The following FSTL4 variants were observed in gnomAD, a reference collection of about 807,000 sequenced individuals.
The protein encoded by FSTL4 is follistatin like 4.
In FSTL4, 28 loss-of-function variants were observed where a neutral mutation model predicts 78.2. The observed-to-expected ratio is 0.36, with a 90% CI of 0.27 to 0.49. The LOEUF (loss-of-function observed/expected upper bound fraction) is 0.49. Ranked by LOEUF, FSTL4 falls within the 20% of genes least tolerant of loss-of-function variation. The probability of loss-of-function intolerance (pLI) is 0.98; values close to 1 mark genes in which losing one functional copy is unlikely to be tolerated. For synonymous variants in FSTL4, 422 were observed against 440.5 expected, an observed-to-expected ratio of 0.96 and a Z score of 0.53; for missense variants, 922 against 1,084.9, an observed-to-expected ratio of 0.85 and a Z score of 2.11.
chr5:133,559,106 T>C (rs189568723), intron 3 of FSTL4, among the ~76,000 whole-genome samples: 1 of 152,204 alleles, frequency 6.6e-6, no homozygotes, highest in African/African-American at 2.4e-5. Context: ...AATTAGAACA[T>C]AATGGTCAGT....
intron 1 of FSTL4, among the ~76,000 whole-genome samples, chr5:133,605,673 C>T (rs1249425793): frequency 6.6e-6 from 1 of 152,176 alleles, no homozygotes; most frequent in Non-Finnish European, 1.5e-5. Flanking sequence ...GCCTATGGCA[C>T]TGGCCTATGA....
rs187234406 is a variant in FSTL4, at chr5:133,338,320, G to A, written c.410-21668C>T. ...GTGCACACTCTGGACTGGCTCCTGCGGGAGAACACAAGAGTGGCCATGGAA... is the reference window on the plus strand; with the variant it reads ...GTGCACACTCTGGACTGGCTCCTGCAGGAGAACACAAGAGTGGCCATGGAA... On this transcript the variant is annotated intron_variant, in intron 4 of 15. Coordinates refer to ENST00000265342, the MANE Select transcript of FSTL4 (RefSeq NM_015082.2). This position sits in a 1 kb window ranked among gnomAD's most constrained non-coding sequence, Gnocchi z 4.0. Among the ~76,000 whole-genome samples the A allele has an allele frequency of 2.8e-4, 42 of 152,170 alleles. No individual in the cohort carries two copies. Among genetic ancestry groups the A allele is most frequent in the Admixed American group, 2.3e-3 (35 of 15,302 alleles).
chr5:133,236,419 G>GA lies in FSTL4; in HGVS notation c.895-2883dup, dbSNP rs10707661. Among the ~76,000 whole-genome samples the GA allele has an allele frequency of 4.2e-4, 62 of 147,928 alleles. No individual in the cohort carries two copies. The East Asian group carries it at 4.6e-3, about 11-fold the overall frequency. ...CACCTTGTATGTATTTAATCCTCAG[G>GA]AAAAAAAAAACCCTGAAAACCCCAA... On this transcript the variant is annotated intron_variant, in intron 7 of 15. Transcript: ENST00000265342. This position sits in a 1 kb window ranked among gnomAD's most constrained non-coding sequence, Gnocchi z 5.0.
chr5:133,386,738 G>A (rs2126957279), intron 4 of FSTL4, among the ~76,000 whole-genome samples: 1 of 152,280 alleles, frequency 6.6e-6, no homozygotes, highest in East Asian at 1.9e-4. Flanking sequence ...GGCAGAAGTG[G>A]AGAGACAGAA....
At chr5:133,816,206 G>T in the FSTL4 span, among the ~76,000 whole-genome samples, 1 of 152,196 alleles carries the variant, frequency 6.6e-6, no homozygotes, top group African/African-American at 2.4e-5. Context: ...TGGGCTCCCT[G>T]CAGTGAGGGC....
At chr5:133,366,293 C>CA (rs2126938930) in intron 4 of FSTL4, among the ~76,000 whole-genome samples, 1 of 152,308 alleles carries the variant, frequency 6.6e-6, no homozygotes, top group Admixed American at 6.5e-5. Flanking sequence ...GAGGATACCC[C>CA]AGCCATTGAA....
At chr5:133,702,769 G>A in the FSTL4 span, among the ~76,000 whole-genome samples, 2 of 152,244 alleles carry the variant, frequency 1.3e-5, no homozygotes, top group Admixed American at 6.5e-5. Context: ...ATCTTGGAGA[G>A]CCTGGGAGCC....
intron 7 of FSTL4, among the ~76,000 whole-genome samples, chr5:133,234,910 A>T (rs940654879): frequency 3.9e-5 from 6 of 152,182 alleles, no homozygotes; most frequent in African/African-American, 1.4e-4. Context: ...TTTTCTTGTT[A>T]TTATTAGCAG....
chr5:133,633,914 T>C, the FSTL4 span, among the ~76,000 whole-genome samples: 3 of 152,056 alleles, frequency 2.0e-5, no homozygotes, highest in Non-Finnish European at 4.4e-5. Flanking sequence ...AATCTTCCTA[T>C]TAGGCCTTCA....
intron 14 of FSTL4, among the ~76,000 whole-genome samples, chr5:133,203,897 C>T (rs140951702): frequency 1.1e-3 from 160 of 152,304 alleles, no homozygotes; most frequent in African/African-American, 3.8e-3. Context: ...ATGTCAGCCT[C>T]GTTTCTCTGA....
chr5:133,686,484 C>G, the FSTL4 span, among the ~76,000 whole-genome samples: 1 of 152,342 alleles, frequency 6.6e-6, no homozygotes, highest in South Asian at 2.1e-4. Flanking sequence ...TTGGATAGTT[C>G]ATTTTATTCA....
the FSTL4 span, among the ~76,000 whole-genome samples, chr5:133,742,066 T>C: frequency 9.8e-5 from 15 of 152,356 alleles, no homozygotes; most frequent in Admixed American, 2.0e-4. Context: ...TTAGCCCATA[T>C]GGCTTTCTTG....
At chr5:133,572,248 A>T (rs1760173672) in intron 2 of FSTL4, among the ~76,000 whole-genome samples, 1 of 152,210 alleles carries the variant, frequency 6.6e-6, no homozygotes, top group Non-Finnish European at 1.5e-5. Context: ...CCAGAAGACA[A>T]TGGAATGCCA....
the FSTL4 span, among the ~76,000 whole-genome samples, chr5:133,631,210 C>A: frequency 9.8e-4 from 149 of 151,902 alleles, no homozygotes; most frequent in African/African-American, 3.6e-3. Context: ...AGTGAACAGG[C>A]AACCTACAGA....
intron 8 of FSTL4, among the ~76,000 whole-genome samples, chr5:133,231,003 C>T (rs571224865): frequency 1.1e-4 from 16 of 152,160 alleles, no homozygotes; most frequent in African/African-American, 3.1e-4. Flanking sequence ...GTGGGGTAGG[C>T]GTCCTCCTGG....
the FSTL4 span, among the ~76,000 whole-genome samples, chr5:133,788,605 A>G: frequency 2.6e-5 from 4 of 152,204 alleles, no homozygotes; most frequent in African/African-American, 9.6e-5. Flanking sequence ...GCAGAGGCCA[A>G]ATAAAGATGG....
In FSTL4 at chr5:133,361,176, C is replaced by T. The variant is rs530946262; in HGVS notation, c.409+39562G>A. On this transcript the variant is annotated intron_variant, in intron 4 of 15. Coordinates refer to ENST00000265342, the MANE Select transcript of FSTL4 (RefSeq NM_015082.2). The surrounding 1 kb of genome is among the most constrained non-coding windows in gnomAD (Gnocchi z 4.3). ...TGAAACATGATTCCCGACCTCTTCT[C>T]GCTCTAATAAACTTTTCAAGGAGGG... 4.6e-5 allele frequency among the ~76,000 whole-genome samples: 7 copies of T among 152,160 alleles called. No individual in the cohort carries two copies. The highest frequency in any genetic ancestry group is 2.1e-4 in the South Asian group (1 of 4,830).
At chr5:133,833,604 T>G in the FSTL4 span, among the ~76,000 whole-genome samples, 1 of 152,194 alleles carries the variant, frequency 6.6e-6, no homozygotes, top group Non-Finnish European at 1.5e-5. Context: ...TTTGGGAATC[T>G]CAGTCTCATA....
Position 133,269,269 on chromosome 5 carries a change from C to G in FSTL4, c.728-19693G>C, listed in dbSNP as rs992474881. ...GGTTTTAAATGAGAAAAGCAAGTTG[C>G]AAAACAATGTGTGGAGTCTGATCCC... On this transcript the variant is annotated intron_variant, in intron 6 of 15. Coordinates refer to ENST00000265342, the MANE Select transcript of FSTL4 (RefSeq NM_015082.2). 7.3e-5 allele frequency among the ~76,000 whole-genome samples: 11 copies of G among 151,438 alleles called. No individual in the cohort carries two copies. In the East Asian group the frequency reaches 1.6e-3, roughly 21 times the overall value.
Sources: gnomAD v4.1 joint callset for allele counts (sites outside exome capture counted in the v4.1 genomes callset) on GRCh38, gnomAD v4.1.1 for gene constraint, Gnocchi (gnomAD v3.1) non-coding constraint, MANE v1.5 for transcripts, NCBI Gene and HGNC (gene_info 2026-07-23, HGNC 2026-07-21) for gene names.